The following AFG1L variants were observed in gnomAD, a reference collection of about 807,000 sequenced individuals.
The protein encoded by AFG1L is AFG1-like ATPase.
A neutral mutation model predicts 62.2 loss-of-function variants in AFG1L; 53 were observed. The observed-to-expected ratio is 0.85, with a 90% CI of 0.68 to 1.07. AFG1L has a LOEUF of 1.07. Among genes scored for constraint, AFG1L ranks in the 50% least tolerant of loss-of-function variants. The probability of loss-of-function intolerance (pLI) is 0.00; values close to 1 mark genes in which losing one functional copy is unlikely to be tolerated. For missense variants in AFG1L, 555 were observed against 590.5 expected, an observed-to-expected ratio of 0.94 and a Z score of 0.62; for synonymous variants, 228 against 210.3, an observed-to-expected ratio of 1.08 and a Z score of -0.73.
chr6:108,501,041 T>C (rs1409113750), intron 10 of AFG1L, among the ~76,000 whole-genome samples: 1 of 152,152 alleles, frequency 6.6e-6, no homozygotes, highest in African/African-American at 2.4e-5. Flanking sequence ...TCGCCCAGGC[T>C]GGAGTGCAAC....
At chr6:108,440,883 A>G (rs946050194) in intron 7 of AFG1L, among the ~76,000 whole-genome samples, 3 of 152,176 alleles carry the variant, frequency 2.0e-5, no homozygotes, top group Non-Finnish European at 4.4e-5. Context: ...TTTACTCATT[A>G]AAAATTTATA....
chr6:108,354,225 A>G (rs981635849), intron 3 of AFG1L, among the ~76,000 whole-genome samples: 2 of 152,310 alleles, frequency 1.3e-5, no homozygotes, highest in Non-Finnish European at 2.9e-5. Flanking sequence ...TGGATATTCA[A>G]TTACAGTAGT....
chr6:108,320,559 T>G (rs1462433430), intron 1 of AFG1L, among the ~76,000 whole-genome samples: 1 of 152,206 alleles, frequency 6.6e-6, no homozygotes, highest in African/African-American at 2.4e-5. Flanking sequence ...GTGACATGTA[T>G]TAAGATGTTA....
intron 2 of AFG1L, among the ~76,000 whole-genome samples, chr6:108,340,367 G>T (rs797009325): frequency 1.5e-4 from 18 of 116,750 alleles, no homozygotes; most frequent in South Asian, 2.6e-4. Context: ...TAATTTCAGT[G>T]TTTTTTTTTT....
intron 10 of AFG1L, among the ~76,000 whole-genome samples, chr6:108,486,515 A>G (rs1276238481): frequency 6.6e-6 from 1 of 152,190 alleles, no homozygotes; most frequent in Admixed American, 6.5e-5. Flanking sequence ...TGAAGATATT[A>G]TTGAGTCAGG....
At chr6:108,480,783 C>T (rs537734499) in intron 10 of AFG1L, among the ~76,000 whole-genome samples, 140 of 152,160 alleles carry the variant, frequency 9.2e-4, no homozygotes, top group African/African-American at 3.3e-3. Context: ...GGGTGAGAGA[C>T]TCTGTCTCAA....
At chr6:108,346,694 G>T (rs528520385) in intron 2 of AFG1L, among the ~76,000 whole-genome samples, 1 of 152,042 alleles carries the variant, frequency 6.6e-6, no homozygotes, top group Non-Finnish European at 1.5e-5. Flanking sequence ...TTAATTGTTC[G>T]CTGTTCTAAG....
At chr6:108,504,888 C>T (rs571736980) in intron 10 of AFG1L, among the ~76,000 whole-genome samples, 1 of 152,160 alleles carries the variant, frequency 6.6e-6, no homozygotes, top group Admixed American at 6.5e-5. Context: ...GAGACTAGGG[C>T]CATCCAAGGA....
chr6:108,398,928 T>G (rs1439275827), intron 6 of AFG1L, among the ~76,000 whole-genome samples: 1 of 152,192 alleles, frequency 6.6e-6, no homozygotes, highest in Non-Finnish European at 1.5e-5. Flanking sequence ...TTGGCTATTT[T>G]GGATCTTTTC....
chr6:108,307,060 C>CTGGA (rs60216413), intron 1 of AFG1L, among the ~76,000 whole-genome samples: 14,531 of 151,642 alleles, frequency 0.096, 1,940 homozygotes, highest in African/African-American at 0.3. Flanking sequence ...GTCACCCAGG[C>CTGGA]TGGAGTGCAA....
intron 6 of AFG1L, among the ~76,000 whole-genome samples, chr6:108,388,962 A>G (rs1324845728): frequency 2.0e-5 from 3 of 151,998 alleles, no homozygotes; most frequent in South Asian, 4.2e-4. Context: ...GATCTGTCTA[A>G]TGTTGACAGT....
rs1777079685 is a variant in AFG1L, at chr6:108,303,288, C to T, written c.139+8070C>T. On this transcript the variant is annotated intron_variant, in intron 1 of 12. Coordinates refer to ENST00000368977, the MANE Select transcript of AFG1L (RefSeq NM_145315.5). The stretch of plus-strand genomic sequence containing the variant: ...TCTGGAACTCCTGGGCTCAAGCTAT[C>T]CTCCTGCCTTGGCCTCCCGAAGTGT... 2.6e-5 allele frequency among the ~76,000 whole-genome samples: 4 copies of T among 152,174 alleles called. No homozygotes were observed. The South Asian group carries it at 8.3e-4, about 31-fold the overall frequency.
At chr6:108,382,721 A>T (rs981841537) in intron 6 of AFG1L, among the ~76,000 whole-genome samples, 1 of 152,230 alleles carries the variant, frequency 6.6e-6, no homozygotes, top group African/African-American at 2.4e-5. Flanking sequence ...ACAGTTATGA[A>T]CACATCCAGG....
chr6:108,427,510 A>G (rs1770870960), intron 7 of AFG1L, among the ~76,000 whole-genome samples: 2 of 147,704 alleles, frequency 1.4e-5, no homozygotes, highest in African/African-American at 5.1e-5. Flanking sequence ...AGATTTCTCA[A>G]AATGGAATTT....
In AFG1L at chr6:108,525,120, G is replaced by C. The variant is rs985475268; in HGVS notation, c.*2695G>C. On this transcript the variant is annotated 3_prime_UTR_variant, in exon 13 of 13. Coordinates refer to ENST00000368977, the MANE Select transcript of AFG1L (RefSeq NM_145315.5). ...TCCTGCTCAATTCAAAACACAGACCGGGGGGATGTCTTTAGAGTCAGGAGA... is the reference window on the plus strand; with the variant it reads ...TCCTGCTCAATTCAAAACACAGACCCGGGGGATGTCTTTAGAGTCAGGAGA... 1 of 152,180 alleles carries C rather than the reference G, an allele frequency of 6.6e-6. No homozygotes were observed. The highest frequency in any genetic ancestry group is 1.5e-5 in the Non-Finnish European group (1 of 68,040). 9.4% of individuals were successfully genotyped at this position (152,180 alleles called of 1,614,324 possible).
In AFG1L at chr6:108,519,816, C is replaced by A. The variant is rs774940020; in HGVS notation, c.1317+6C>A. ...ATGATTTGGGGCTGAGCCAGGTAGG[C>A]GATATTAACATAATCTCTTTTTATT... On this transcript the variant is annotated splice_donor_region_variant and intron_variant, in intron 12 of 12. Coordinates refer to ENST00000368977, the MANE Select transcript of AFG1L (RefSeq NM_145315.5). 1 of 1,547,888 alleles carries A rather than the reference C, an allele frequency of 6.5e-7. No individual in the cohort carries two copies. Among genetic ancestry groups the A allele is most frequent in the Non-Finnish European group, 8.9e-7 (1 of 1,129,506 alleles).
At chr6:108,485,650 ATATATATTTTTTTTTTTTT>A (rs1336878963) in intron 10 of AFG1L, among the ~76,000 whole-genome samples, 4 of 21,852 alleles carry the variant, frequency 1.8e-4, no homozygotes, top group Admixed American at 5.0e-4. Flanking sequence ...ATATATATAT[ATATATATTTTTTTTTTTTT>A]TTTTTTTTTT....
chr6:108,340,070 G>T (rs1778624132), intron 2 of AFG1L, among the ~76,000 whole-genome samples: 1 of 149,432 alleles, frequency 6.7e-6, no homozygotes, highest in Admixed American at 6.7e-5. Flanking sequence ...CCCAGTCTCT[G>T]GTAACCATCC....
At chr6:108,296,066 T>C (rs1776757650) in intron 1 of AFG1L, among the ~76,000 whole-genome samples, 1 of 152,218 alleles carries the variant, frequency 6.6e-6, no homozygotes, top group South Asian at 2.1e-4. Flanking sequence ...TGATAGACCT[T>C]AATAAGGTAT....
Sources: allele counts gnomAD v4.1 joint callset (sites outside exome capture counted in the v4.1 genomes callset), GRCh38; gene constraint gnomAD v4.1.1; transcripts MANE v1.5; gene names NCBI Gene and HGNC (gene_info 2026-07-23, HGNC 2026-07-21).